Variants in TNC observed in about 807,000 individuals in gnomAD.
The protein encoded by TNC is tenascin.
TNC carries 109 observed loss-of-function variants against 202.4 expected under a neutral mutation model. That is an observed-to-expected ratio of 0.54 (90% CI 0.46 to 0.63). TNC has a LOEUF of 0.63. Among genes scored for constraint, TNC ranks in the 30% least tolerant of loss-of-function variants. The pLI is 0.00. For synonymous variants in TNC, 1,007 were observed against 1,089.7 expected, an observed-to-expected ratio of 0.92 and a Z score of 1.50; for missense variants, 2,756 against 2,833.3, an observed-to-expected ratio of 0.97 and a Z score of 0.62.
chr9:115,086,424 T>A lies in TNC; in HGVS notation c.1307A>T (p.Gln436Leu). 6.2e-7 allele frequency: 1 copy of A among 1,614,044 alleles called. No individual in the cohort carries two copies. Among genetic ancestry groups the A allele is most frequent in the Non-Finnish European group, 8.5e-7 (1 of 1,179,984 alleles). The change falls in exon 3 of 28, where the codon CAG (glutamine) becomes CTG (leucine). Residue 436 changes from glutamine (Q) to leucine (L), a missense_variant. Transcript: ENST00000350763. ...GTGACAGTCATTGGGGCACCGTAGCTGGCTGCAGTCCTCCCCAGTATAGCC... is the reference window on the plus strand; with the variant it reads ...GTGACAGTCATTGGGGCACCGTAGCAGGCTGCAGTCCTCCCCAGTATAGCC... Reference protein sequence around the residue: ...DEGYTGEDCSQLRCPNDCHSR... With the variant: ...DEGYTGEDCSLLRCPNDCHSR...
chr9:115,054,938 A>G (rs1831991374), intron 15 of TNC, among the ~76,000 whole-genome samples: 2 of 152,174 alleles, frequency 1.3e-5, no homozygotes. Flanking sequence ...AATCACGAGA[A>G]CAAGATAAGA....
intron 24 of TNC, among the ~76,000 whole-genome samples, 177 bp from the exon 25 acceptor site, chr9:115,029,633 C>T (rs1829803388): frequency 6.6e-6 from 1 of 152,052 alleles, no homozygotes; most frequent in Non-Finnish European, 1.5e-5. Context: ...GGTGTTCTCA[C>T]CTGAAAAACA....
chr9:115,048,310 C>T lies in TNC; in HGVS notation c.4802G>A (p.Gly1601Asp), dbSNP rs202122978. The T allele has an allele frequency of 3.1e-6, 5 of 1,613,928 alleles. No homozygotes were observed. The highest frequency in any genetic ancestry group is 4.2e-6 in the Non-Finnish European group (5 of 1,179,956). The change falls in exon 16 of 28, where the codon GGC (glycine) becomes GAC (aspartate). Residue 1601 changes from glycine to aspartate, a missense_variant. Around this residue, in one of 2 missense-constraint regions of TNC, gnomAD observed 2,559 missense variants for 2,546.0 expected, o/e 1.01. Coordinates refer to ENST00000350763, the MANE Select transcript of TNC (RefSeq NM_002160.4). ...TGIGYEVMVS[G>D]FTQGHQTKPL... is the part of the protein sequence containing the mutation. Reference sequence around the variant, plus strand: ...CTTGGTTTGATGCCCTTGGGTGAAGCCAGAGACCATAACCTCATAGCCAAT... The same window carrying T: ...CTTGGTTTGATGCCCTTGGGTGAAGTCAGAGACCATAACCTCATAGCCAAT...
In TNC at chr9:115,091,216, C is replaced by T. The variant is rs563476365; in HGVS notation, c.-136-62G>A. On this transcript the variant is annotated intron_variant, in intron 1 of 27. Coordinates refer to ENST00000350763, the MANE Select transcript of TNC (RefSeq NM_002160.4). ...TACTATTGAATATATTGAATATCTACAATTCCAAGTGAATTTTGATTTTAT... is the reference window on the plus strand; with the variant it reads ...TACTATTGAATATATTGAATATCTATAATTCCAAGTGAATTTTGATTTTAT... The T allele has an allele frequency of 1.7e-4, 95 of 573,526 alleles. 2 individuals are homozygous for T. Among genetic ancestry groups the T allele is most frequent in the South Asian group, 1.3e-3 (58 of 43,490 alleles). The allele number at this position is 573,526 out of a possible 1,614,324, so 35.5% of individuals were successfully genotyped here. A position where few individuals can be genotyped will look rare whatever the true frequency, so the allele number is the denominator to read the frequency against.
chr9:115,076,550 T>C lies in TNC; in HGVS notation c.2700A>G (p.Arg900=). Residue 900 remains arginine, a synonymous_variant, in exon 8 of 28, where the codon CGA becomes CGG. Coordinates refer to ENST00000350763, the MANE Select transcript of TNC (RefSeq NM_002160.4). ...TGCTGTTATCTGTCTGGGAAACACGTCGAAGATTCCTGGGAGCATCGAGGC... is the reference window on the plus strand; with the variant it reads ...TGCTGTTATCTGTCTGGGAAACACGCCGAAGATTCCTGGGAGCATCGAGGC... ...TTGLDAPRNL[R]RVSQTDNSIT... The C allele has an allele frequency of 6.2e-7, 1 of 1,614,172 alleles. No homozygotes were observed. Among genetic ancestry groups the C allele is most frequent in the Non-Finnish European group, 8.5e-7 (1 of 1,180,034 alleles).
Position 115,042,273 on chromosome 9 carries a change from C to G in TNC, c.5194G>C (p.Ala1732Pro), listed in dbSNP as rs918870798. ...TENSATVSWR[A>P]PTAQVESFRI... ...AAGCTCTCCACTTGGGCTGTGGGTGCCCTCCAGCTGACAGTAGCCGAATTT... is the reference window on the plus strand; with the variant it reads ...AAGCTCTCCACTTGGGCTGTGGGTGGCCTCCAGCTGACAGTAGCCGAATTT... Residue 1732 changes from alanine to proline, a missense_variant, in exon 18 of 28, where the codon GCA (alanine) becomes CCA (proline). Around this residue, in one of 2 missense-constraint regions of TNC, gnomAD observed 2,559 missense variants for 2,546.0 expected, o/e 1.01. Transcript: ENST00000350763. 3 of 1,614,022 alleles carry G rather than the reference C, an allele frequency of 1.9e-6. No homozygotes were observed. The African/African-American group carries it at 4.0e-5, about 22-fold the overall frequency.
chr9:115,057,194 G>A lies in TNC; in HGVS notation c.4538C>T (p.Pro1513Leu), dbSNP rs1221439821. 1 of 1,613,932 alleles carries A rather than the reference G, an allele frequency of 6.2e-7. No homozygotes were observed. Among genetic ancestry groups the A allele is most frequent in the Non-Finnish European group, 8.5e-7 (1 of 1,179,946 alleles). The change falls in exon 15 of 28, where the codon CCC becomes CTC. Residue 1513 changes from proline (P) to leucine (L), a missense_variant. Physicochemically the swap from Pro to Leu is moderately conservative, Grantham distance 98 (BLOSUM62 -3). Transcript: ENST00000350763. ...DFIVYLSGLA[P>L]SIRTKTISAT... ...ACTGATGGTTTTGGTCCGGATGCTG[G>A]GAGCAAGTCCAGAGAGGTAGACAAT...
chr9:115,096,695 T>C (rs566808411), intron 1 of TNC, among the ~76,000 whole-genome samples: 43 of 152,314 alleles, frequency 2.8e-4, no homozygotes, highest in South Asian at 2.3e-3. Context: ...GTATGTGCAT[T>C]GTAGTTTCCA....
chr9:115,064,805 T>C lies in TNC; in HGVS notation c.3329A>G (p.Glu1110Gly). 6.2e-7 allele frequency: 1 copy of C among 1,614,146 alleles called. No homozygotes were observed. Among genetic ancestry groups the C allele is most frequent in the Non-Finnish European group, 8.5e-7 (1 of 1,180,028 alleles). ...CCGAGCTGCCTCCACCTTGTTGGCC[T>C]CCTGCACCTGAATGATAAAGTGCTC... ...AYEHFIIQVQ[E>G]ANKVEAARNL... The change falls in exon 11 of 28, where the codon GAG (glutamate) becomes GGG (glycine). Residue 1110 changes from glutamate (E) to glycine (G), a missense_variant. Glu to Gly is a moderately conservative substitution (Grantham distance 98). Coordinates refer to ENST00000350763, the MANE Select transcript of TNC (RefSeq NM_002160.4).
At chr9:115,049,706 G>A (rs1018903775) in intron 15 of TNC, among the ~76,000 whole-genome samples, 2 of 151,028 alleles carry the variant, frequency 1.3e-5, no homozygotes, top group African/African-American at 4.9e-5. Context: ...AGAAAAAAAG[G>A]AGACAGGAAT....
At chr9:115,100,608 T>G (rs1451669296) in intron 1 of TNC, among the ~76,000 whole-genome samples, 1 of 152,214 alleles carries the variant, frequency 6.6e-6, no homozygotes, top group Non-Finnish European at 1.5e-5. Flanking sequence ...AAGATCTATC[T>G]CTTCCTCTAG....
intron 9 of TNC, among the ~76,000 whole-genome samples, chr9:115,074,825 T>G (rs528293490): frequency 6.6e-6 from 1 of 152,296 alleles, no homozygotes; most frequent in Non-Finnish European, 1.5e-5. Flanking sequence ...AATGAGTGTA[T>G]GCAAAACTGG....
intron 1 of TNC, among the ~76,000 whole-genome samples, chr9:115,107,826 T>G (rs1397461014): frequency 6.6e-6 from 1 of 152,346 alleles, no homozygotes; most frequent in East Asian, 1.9e-4. Flanking sequence ...CACTTTCCAT[T>G]TCCTAGACCT....
intron 1 of TNC, among the ~76,000 whole-genome samples, chr9:115,109,983 T>A (rs1238951732): frequency 2.0e-5 from 3 of 152,134 alleles, no homozygotes; most frequent in Non-Finnish European, 2.9e-5. Context: ...CCAGATACAA[T>A]TTTTTCTTTT....
intron 10 of TNC, 107 bp from the exon 11 acceptor site, chr9:115,065,026 C>T: frequency 7.6e-7 from 1 of 1,322,728 alleles, no homozygotes. Context: ...CCATTGCAGT[C>T]CAAGTGCCAG....
chr9:115,075,954 A>G, intron 9 of TNC, 78 bp downstream of exon 9: 1 of 1,273,920 alleles, frequency 7.8e-7, no homozygotes, highest in Non-Finnish European at 1.1e-6. Context: ...TTCTCTTTAA[A>G]TAGGTTTTGG....
At position 115,059,730 on chromosome 9, in the gene TNC, C is replaced by G. The variant is rs1239259644; in HGVS notation, c.4306G>C (p.Ala1436Pro). 1 of 1,583,644 alleles carries G rather than the reference C, an allele frequency of 6.3e-7. No individual in the cohort carries two copies. Among genetic ancestry groups the G allele is most frequent in the Non-Finnish European group, 8.6e-7 (1 of 1,163,184 alleles). ...AAGCATTGACAGGGAGAGGAAGTAC[C>G]TGTGGAGGCCTCAGCAGAGAGTACT... The part of the protein sequence containing the change: ...TPVLSAEAST[A>P]KEPEIGNLNV... The change falls in exon 14 of 28, where the codon GCC becomes CCC. Residue 1436 changes from alanine to proline, a missense_variant and splice_region_variant. By Grantham distance (27) the Ala-to-Pro change is conservative. This residue lies in a region of TNC where 2,559 missense variants were observed against 2,546.0 expected (regional missense o/e 1.01). Coordinates refer to ENST00000350763, the MANE Select transcript of TNC (RefSeq NM_002160.4).
Position 115,091,152 on chromosome 9 carries a change from T to C in TNC, c.-134A>G, listed in dbSNP as rs1835200903. ...TCCCTGATCTTCTTGAAAGAATTAT[T>C]TTCTACAAGCAAAGATGAACAAAAA... On this transcript the variant is annotated splice_region_variant and 5_prime_UTR_variant, in exon 2 of 28. Coordinates refer to ENST00000350763, the MANE Select transcript of TNC (RefSeq NM_002160.4). 2 of 708,378 alleles carry C rather than the reference T, an allele frequency of 2.8e-6. No individual in the cohort carries two copies. The highest frequency in any genetic ancestry group is 4.6e-6 in the Non-Finnish European group (2 of 435,666). 43.9% of individuals were successfully genotyped at this position (708,378 alleles called of 1,614,324 possible). A position where few individuals can be genotyped will look rare whatever the true frequency, so the allele number is the denominator to read the frequency against.
rs1834870578 is a variant in TNC, at chr9:115,087,530, GTGTGT to G, written c.458-262_458-258del. On this transcript the variant is annotated intron_variant, in intron 2 of 27. Transcript: ENST00000350763. The stretch of plus-strand genomic sequence containing the variant: ...ACAGTGTGTGATTATGCATAGGGGT[GTGTGT>G]GTGTGTGTGTGTGTGTGTGTGTGTG... Among the ~76,000 whole-genome samples the G allele has an allele frequency of 8.1e-4, 5 of 6,152 alleles. No individual in the cohort carries two copies. The Admixed American group carries it at 8.5e-3, about 10-fold the overall frequency. The allele number at this position is 6,152 out of a possible 152,430, so 4.0% of individuals were successfully genotyped here.
Sources: allele counts gnomAD v4.1 joint callset (sites outside exome capture counted in the v4.1 genomes callset), GRCh38; gene constraint gnomAD v4.1.1; regional missense constraint gnomAD v4.1.1; transcripts MANE v1.5; gene names NCBI Gene and HGNC (gene_info 2026-07-23, HGNC 2026-07-21).